MGAT4A: variants seen among roughly 807,000 people sequenced by gnomAD.
MGAT4A encodes alpha-1,3-mannosyl-glycoprotein 4-beta-N-acetylglucosaminyltransferase A, also known as N-acetylglucosaminyltransferase IVa.
MGAT4A carries 33 observed loss-of-function variants against 74.1 expected under a neutral mutation model. The ratio of observed to expected loss-of-function variants is 0.45; its 90% CI spans 0.34 to 0.60. The LOEUF (loss-of-function observed/expected upper bound fraction) is 0.60. Among genes scored for constraint, MGAT4A ranks in the 20% least tolerant of loss-of-function variants. MGAT4A has a pLI of 0.02. For synonymous variants in MGAT4A, 198 were observed against 210.4 expected, an observed-to-expected ratio of 0.94 and a Z score of 0.51; for missense variants, 479 against 628.3, an observed-to-expected ratio of 0.76 and a Z score of 2.54.
chr2:98,622,765 G>A lies in MGAT4A; in HGVS notation c.*2801C>T, dbSNP rs554558748. On this transcript the variant is annotated 3_prime_UTR_variant, in exon 16 of 16. Coordinates refer to ENST00000393487, the MANE Select transcript of MGAT4A (RefSeq NM_012214.3). ...CTCAGGAACCTGAAATCTGGTCAGA[G>A]AGACAGCACACACCATACACACAAA... is the stretch of plus-strand genomic sequence containing the variant. The A allele has an allele frequency of 7.6e-5, 75 of 985,726 alleles. No homozygotes were observed. The highest frequency in any genetic ancestry group is 5.2e-4 in the Middle Eastern group (1 of 1,914). 61.1% of individuals were successfully genotyped at this position (985,726 alleles called of 1,614,324 possible). A position where few individuals can be genotyped will look rare whatever the true frequency, so the allele number is the denominator to read the frequency against.
chr2:98,725,752 T>G (rs773863385), intron 2 of MGAT4A, among the ~76,000 whole-genome samples: 6 of 152,224 alleles, frequency 3.9e-5, no homozygotes, highest in Admixed American at 1.3e-4. Flanking sequence ...TCTTAAATAC[T>G]TTTGCCTAAG....
rs192146966 is a variant in MGAT4A, at chr2:98,720,017, T to C, written c.94+6222A>G. Among the ~76,000 whole-genome samples, 188 of 152,244 alleles carry C rather than the reference T, an allele frequency of 1.2e-3. 2 individuals are homozygous for C. The highest frequency in any genetic ancestry group is 4.0e-3 in the African/African-American group (165 of 41,536). ...CTCACAGAACTAAAAGAAAATTTAA[T>C]TGAAGAAGTAAAAGAAGGTATGACA... On this transcript the variant is annotated intron_variant, in intron 2 of 15. Transcript: ENST00000393487.
In MGAT4A at chr2:98,624,949, A is replaced by C; in HGVS notation, c.*617T>G. 1.0e-6 allele frequency: 1 copy of C among 985,354 alleles called. No individual in the cohort carries two copies. The allele number at this position is 985,354 out of a possible 1,614,324, so 61.0% of individuals were successfully genotyped here. A position where few individuals can be genotyped will look rare whatever the true frequency, so the allele number is the denominator to read the frequency against. ...TCAATTAAGAAATCCATCTATAATCAATCTTAAATGGCAGTGCATTTGAAA... is the reference window on the plus strand; with the variant it reads ...TCAATTAAGAAATCCATCTATAATCCATCTTAAATGGCAGTGCATTTGAAA... On this transcript the variant is annotated 3_prime_UTR_variant, in exon 16 of 16. Coordinates refer to ENST00000393487, the MANE Select transcript of MGAT4A (RefSeq NM_012214.3).
At chr2:98,670,235 G>A (rs992374383) in intron 4 of MGAT4A, among the ~76,000 whole-genome samples, 1 of 152,164 alleles carries the variant, frequency 6.6e-6, no homozygotes, top group East Asian at 1.9e-4. Context: ...GAGCCAACGG[G>A]TTGGGCTAGG....
At chr2:98,660,418 G>GCGCA (rs1282817406) in intron 5 of MGAT4A, among the ~76,000 whole-genome samples, 251 of 141,718 alleles carry the variant, frequency 1.8e-3, no homozygotes, top group South Asian at 3.4e-3. Context: ...ACACGCACGC[G>GCGCA]CACACACACA....
chr2:98,716,731 G>A (rs1702596885), intron 2 of MGAT4A, among the ~76,000 whole-genome samples: 3 of 152,138 alleles, frequency 2.0e-5, no homozygotes, highest in South Asian at 2.1e-4. Flanking sequence ...GTATCTTTGA[G>A]GATACCAAAA....
intron 2 of MGAT4A, among the ~76,000 whole-genome samples, chr2:98,722,836 C>T (rs1575285488): frequency 6.6e-6 from 1 of 152,096 alleles, no homozygotes; most frequent in South Asian, 2.1e-4. Flanking sequence ...AGTCTCTGTC[C>T]CCATGGACAG....
intron 5 of MGAT4A, among the ~76,000 whole-genome samples, chr2:98,661,107 A>C (rs914080808): frequency 1.3e-5 from 2 of 152,224 alleles, no homozygotes; most frequent in African/African-American, 2.4e-5. Context: ...AAGGACCTGA[A>C]CAGACATTTC....
At chr2:98,663,496 A>G in intron 4 of MGAT4A, 13 of 1,363,586 alleles carry the variant, frequency 9.5e-6, no homozygotes, top group Non-Finnish European at 1.1e-5. Context: ...CACTAAACAT[A>G]TCTTAAAAAC....
intron 4 of MGAT4A, 138 bp from the exon 5 acceptor site, chr2:98,663,317 AAAAT>A: frequency 6.5e-7 from 1 of 1,527,504 alleles, no homozygotes; most frequent in South Asian, 1.2e-5. Flanking sequence ...TTCAGGAAGA[AAAAT>A]AAAGAATACA....
chr2:98,658,226 C>G lies in MGAT4A; in HGVS notation c.576G>C (p.Leu192=). Reference sequence around the variant, plus strand: ...AATTAAGAAGAACTTACTCTTTCTCCAGGTTGGCTACAACACCATGTACAT... The same window carrying G: ...AATTAAGAAGAACTTACTCTTTCTCGAGGTTGGCTACAACACCATGTACAT... The part of the protein sequence containing the change: ...IDYVHGVVAN[L]EKEFSKEISS... The change falls in exon 6 of 16, where the codon CTG becomes CTC. Residue 192 remains leucine, a synonymous_variant. Transcript: ENST00000393487. 6.4e-7 allele frequency: 1 copy of G among 1,573,724 alleles called. No homozygotes were observed. The highest frequency in any genetic ancestry group is 1.2e-5 in the South Asian group (1 of 86,338).
intron 14 of MGAT4A, among the ~76,000 whole-genome samples, chr2:98,628,700 C>T (rs1014533808): frequency 1.3e-5 from 2 of 152,204 alleles, no homozygotes; most frequent in African/African-American, 4.8e-5. Context: ...TAACATAACC[C>T]ACATTCTACA....
intron 8 of MGAT4A, among the ~76,000 whole-genome samples, chr2:98,648,474 T>A (rs1345281780): frequency 3.3e-5 from 5 of 151,880 alleles, no homozygotes; most frequent in African/African-American, 1.2e-4. Context: ...CAGTCCAGCC[T>A]GGGCTAGAGG....
intron 2 of MGAT4A, among the ~76,000 whole-genome samples, chr2:98,681,008 A>C (rs1324853461): frequency 6.6e-5 from 10 of 152,190 alleles, no homozygotes; most frequent in Admixed American, 6.5e-4. Context: ...TTTGAGACGG[A>C]GTCTCGCTCT....
chr2:98,675,002 G>A (rs748213546), intron 4 of MGAT4A, 33 bp downstream of exon 4: 1 of 1,601,044 alleles, frequency 6.2e-7, no homozygotes, highest in Non-Finnish European at 8.5e-7. Context: ...AACAGCAGTA[G>A]TACAACTGCA....
At chr2:98,640,377 A>G in intron 10 of MGAT4A, 149 bp from the exon 11 acceptor site, 1 of 642,834 alleles carries the variant, frequency 1.6e-6, no homozygotes, top group African/African-American at 1.8e-5. Flanking sequence ...TGAAAGGCCA[A>G]GGCAGGTGGA....
In MGAT4A at chr2:98,628,189, C is replaced by T. The variant is rs1477758931; in HGVS notation, c.1469-2354G>A. ...GTTCTAAACAGACTATTTACAGGGG[C>T]CAACCCTCAGTGTCTTCAACCATGG... On this transcript the variant is annotated intron_variant, in intron 14 of 15. Coordinates refer to ENST00000393487, the MANE Select transcript of MGAT4A (RefSeq NM_012214.3). 2.0e-5 allele frequency among the ~76,000 whole-genome samples: 3 copies of T among 151,822 alleles called. No homozygotes were observed. The South Asian group carries it at 6.2e-4, about 31-fold the overall frequency.
intron 3 of MGAT4A, 93 bp from the exon 4 acceptor site, chr2:98,675,268 A>G (rs1410269802): frequency 1.1e-5 from 10 of 902,310 alleles, no homozygotes; most frequent in Non-Finnish European, 1.7e-5. Context: ...AAGAACTAGA[A>G]CTAAAGAATT....
chr2:98,669,886 T>C (rs2104280630), intron 4 of MGAT4A, among the ~76,000 whole-genome samples: 1 of 152,326 alleles, frequency 6.6e-6, no homozygotes. Flanking sequence ...TCCTTGAGAT[T>C]GTTCTCTTTG....
Sources: gnomAD v4.1 joint callset for allele counts (sites outside exome capture counted in the v4.1 genomes callset) on GRCh38, gnomAD v4.1.1 for gene constraint, MANE v1.5 for transcripts, NCBI Gene and HGNC (gene_info 2026-07-23, HGNC 2026-07-21) for gene names.